Variants in LMCD1 observed in about 807,000 individuals in gnomAD.
LMCD1 encodes LIM and cysteine-rich domains protein 1.
In LMCD1, 32 loss-of-function variants were observed where a neutral mutation model predicts 42.7. That is an observed-to-expected ratio of 0.75 (90% CI 0.57 to 1.01). The LOEUF (loss-of-function observed/expected upper bound fraction) is 1.01, where lower values mean the gene tolerates loss of function less well. LMCD1 is among the 50% of genes least tolerant of loss of function. The pLI is 0.00. For synonymous variants in LMCD1, 178 were observed against 184.9 expected (o/e 0.96, Z 0.30); for missense variants, 458 against 483.1 (o/e 0.95, Z 0.49).
chr3:8,561,384 T>G lies in LMCD1; in HGVS notation c.724-4048T>G, dbSNP rs550520447. 9.3e-4 allele frequency among the ~76,000 whole-genome samples: 64 copies of G among 68,838 alleles called. 2 individuals carry two copies. The South Asian group carries it at 0.026, about 28-fold the overall frequency. 45.2% of individuals were successfully genotyped at this position (68,838 alleles called of 152,430 possible). A position where few individuals can be genotyped will look rare whatever the true frequency, so the allele number is the denominator to read the frequency against. On this transcript the variant is annotated intron_variant, in intron 4 of 5. Transcript: ENST00000157600. ...GATAATAATAATTGAGCACAGAGTT[T>G]TTTTTTTTTTTTTTCCAATATAGGT...
chr3:8,561,136 T>A (rs576676065), intron 4 of LMCD1, among the ~76,000 whole-genome samples: 1 of 152,322 alleles, frequency 6.6e-6, no homozygotes, highest in African/African-American at 2.4e-5. Context: ...TGTCTTCACA[T>A]GGCAAAAAAG....
At chr3:8,502,569 TACACACACACACAC>T (rs5846600) in intron 1 of LMCD1, among the ~76,000 whole-genome samples, 3 of 134,432 alleles carry the variant, frequency 2.2e-5, no homozygotes, top group Non-Finnish European at 3.1e-5. Context: ...TTTCCCCCAA[TACACACACACACAC>T]ACACACACAC....
intron 3 of LMCD1, among the ~76,000 whole-genome samples, chr3:8,539,246 GAA>G (rs200339840): frequency 0.032 from 4,895 of 152,246 alleles, 110 homozygotes; most frequent in Middle Eastern, 0.058. Flanking sequence ...CAGATAAAAT[GAA>G]AAGAGACTAA....
At chr3:8,566,810 A>G (rs1181701024) in intron 5 of LMCD1, among the ~76,000 whole-genome samples, 1 of 152,244 alleles carries the variant, frequency 6.6e-6, no homozygotes, top group Non-Finnish European at 1.5e-5. Flanking sequence ...TGGCAATCAT[A>G]GAACCTTGTG....
At position 8,503,688 on chromosome 3, in the gene LMCD1, T is replaced by C. The variant is rs528027061; in HGVS notation, c.42+1708T>C. Among the ~76,000 whole-genome samples, 29 of 152,336 alleles carry C rather than the reference T, an allele frequency of 1.9e-4. No homozygotes were observed. In the East Asian group the frequency reaches 5.4e-3, roughly 28 times the overall value. On this transcript the variant is annotated intron_variant, in intron 1 of 5. Transcript: ENST00000157600. ...TCCAGCTAAGACCACACTGTTTGCA[T>C]AGGCTTCATTTTATGCATTATTTTT...
At chr3:8,551,054 A>T in intron 4 of LMCD1, 1 of 985,432 alleles carries the variant, frequency 1.0e-6, no homozygotes, top group Non-Finnish European at 1.2e-6. Context: ...AAAGTCAGAA[A>T]ATAAGTAGGG....
At chr3:8,551,057 AAGT>A in intron 4 of LMCD1, 1 of 985,434 alleles carries the variant, frequency 1.0e-6, no homozygotes, top group South Asian at 4.7e-5. Flanking sequence ...GTCAGAAAAT[AAGT>A]AGGGATTCCA....
rs1339644273 is a variant in LMCD1, at chr3:8,548,876, C to T, written c.696C>T (p.Leu232=). 1 of 1,553,350 alleles carries T rather than the reference C, an allele frequency of 6.4e-7. No individual in the cohort carries two copies. Among genetic ancestry groups the T allele is most frequent in the Admixed American group, 1.8e-5 (1 of 54,840 alleles). Residue 232 remains leucine (L), a synonymous_variant, in exon 4 of 6, where the codon CTC becomes CTT. Transcript: ENST00000157600. ...CTGCTGCTACCACCAACGGCAGTCT[C>T]AGTGACCCGTCCAAAGAAGTGGAAT... ...ETTAATTNGS[L]SDPSKEVEYV...
chr3:8,543,755 C>T lies in LMCD1; in HGVS notation c.388-4813C>T, dbSNP rs529264429. Among the ~76,000 whole-genome samples, 11 of 152,284 alleles carry T rather than the reference C, an allele frequency of 7.2e-5. No individual in the cohort carries two copies. The East Asian group carries it at 9.6e-4, about 13-fold the overall frequency. On this transcript the variant is annotated intron_variant, in intron 3 of 5. Transcript: ENST00000157600. ...TGCTGAGATTACAGGCATGTGCCACCGCTCCTGGCTTAAAGTGCTCATTTC... is the reference window on the plus strand; with the variant it reads ...TGCTGAGATTACAGGCATGTGCCACTGCTCCTGGCTTAAAGTGCTCATTTC...
In LMCD1 at chr3:8,565,590, C is replaced by G; in HGVS notation, c.882C>G (p.Pro294=). The change falls in exon 5 of 6, where the codon CCC becomes CCG. Residue 294 remains proline (P), a synonymous_variant. Coordinates refer to ENST00000157600, the MANE Select transcript of LMCD1 (RefSeq NM_014583.4). ...TCTACTTCTGGAAGGATGGTGCACC[C>G]TGGTGCGGCCGCCATTACTGCGAGA... ...DLIYFWKDGA[P]WCGRHYCESL... 6.2e-7 allele frequency: 1 copy of G among 1,609,050 alleles called. No homozygotes were observed. The highest frequency in any genetic ancestry group is 8.5e-7 in the Non-Finnish European group (1 of 1,178,276).
At chr3:8,535,349 C>T (rs762930885) in intron 2 of LMCD1, among the ~76,000 whole-genome samples, 4 of 152,130 alleles carry the variant, frequency 2.6e-5, no homozygotes, top group African/African-American at 4.8e-5. Context: ...AAAACCTTCT[C>T]ATTTATTCCC....
intron 1 of LMCD1, among the ~76,000 whole-genome samples, chr3:8,513,125 A>G (rs1694033054): frequency 6.6e-6 from 1 of 152,128 alleles, no homozygotes; most frequent in Admixed American, 6.5e-5. Context: ...TCTGTATGTA[A>G]CTTCTCCTTA....
chr3:8,507,146 A>G (rs1693900283), intron 1 of LMCD1, among the ~76,000 whole-genome samples: 1 of 152,210 alleles, frequency 6.6e-6, no homozygotes, highest in Non-Finnish European at 1.5e-5. Flanking sequence ...CAAGAGCACA[A>G]CATTTCCTTA....
chr3:8,555,133 C>T (rs1200350824), intron 4 of LMCD1, among the ~76,000 whole-genome samples: 1 of 152,122 alleles, frequency 6.6e-6, no homozygotes, highest in Non-Finnish European at 1.5e-5. Context: ...CCCCTCTGCC[C>T]CATTTCCCCA....
chr3:8,506,603 G>A (rs751377273), intron 1 of LMCD1, among the ~76,000 whole-genome samples: 50 of 152,178 alleles, frequency 3.3e-4, no homozygotes, highest in Non-Finnish European at 6.6e-4. Flanking sequence ...AAGGCAAATC[G>A]TCCTCTTTTT....
intron 3 of LMCD1, among the ~76,000 whole-genome samples, chr3:8,541,900 G>T (rs1694634868): frequency 6.6e-6 from 1 of 152,012 alleles, no homozygotes; most frequent in African/African-American, 2.4e-5. Flanking sequence ...GGGAGCAGTG[G>T]TGGAAGTCTC....
intron 3 of LMCD1, among the ~76,000 whole-genome samples, chr3:8,538,029 A>G (rs1210178488): frequency 1.3e-5 from 2 of 152,332 alleles, no homozygotes; most frequent in South Asian, 2.1e-4. Context: ...ACACAAGGTT[A>G]CACCCTAGCT....
intron 5 of LMCD1, 109 bp downstream of exon 5, chr3:8,565,756 G>T: frequency 9.2e-7 from 1 of 1,088,086 alleles, no homozygotes; most frequent in South Asian, 1.5e-5. Flanking sequence ...TCTACAGATT[G>T]GGAAACTGAA....
intron 1 of LMCD1, among the ~76,000 whole-genome samples, chr3:8,516,707 G>T (rs1357029979): frequency 6.6e-6 from 1 of 152,178 alleles, no homozygotes; most frequent in Non-Finnish European, 1.5e-5. Context: ...TCAAAGTTTT[G>T]CAGGGAGAAA....
Sources: gnomAD v4.1 joint callset for allele counts (sites outside exome capture counted in the v4.1 genomes callset) on GRCh38, gnomAD v4.1.1 for gene constraint, MANE v1.5 for transcripts, NCBI Gene and HGNC (gene_info 2026-07-23, HGNC 2026-07-21) for gene names.